Variants in TUT1 observed in about 807,000 individuals in gnomAD.
TUT1 encodes terminal uridylyl transferase 1, U6 snRNA-specific, also known as speckle targeted PIP5K1A-regulated poly(A) polymerase.
Under a neutral mutation model 48.8 loss-of-function variants are expected in TUT1, and 26 were observed. The observed-to-expected ratio is 0.53, with a 90% CI of 0.39 to 0.74. The LOEUF is 0.74. Among genes scored for constraint, TUT1 ranks in the 30% least tolerant of loss-of-function variants. The pLI is 0.00. For missense variants in TUT1, 1,065 were observed against 1,114.8 expected (o/e 0.96, Z 0.64); for synonymous variants, 470 against 460.8 (o/e 1.02, Z -0.26).
At chr11:62,580,709 T>C (rs1358402692) in intron 4 of TUT1, among the ~76,000 whole-genome samples, 1 of 150,220 alleles carries the variant, frequency 6.7e-6, no homozygotes, top group Non-Finnish European at 1.5e-5. Context: ...TTCAAGTGAT[T>C]CTCCTGCCTC....
In TUT1 at chr11:62,575,929, G is replaced by C; in HGVS notation, c.1790C>G (p.Pro597Arg). 1 of 1,614,188 alleles carries C rather than the reference G, an allele frequency of 6.2e-7. No individual in the cohort carries two copies. The highest frequency in any genetic ancestry group is 8.5e-7 in the Non-Finnish European group (1 of 1,180,018). The change falls in exon 9 of 9, where the codon CCC (proline) becomes CGC (arginine). Residue 597 changes from proline to arginine, a missense_variant. Transcript: ENST00000476907. ...AGAGAGCAGGGAGCTGGGGGAGCTG[G>C]GCTGCAGAAGAGGGAGCAGCCCCCA... ...RDWGLLPLLQPSSPSSLLSAT... is the reference protein window; with the variant it reads ...RDWGLLPLLQRSSPSSLLSAT...
In TUT1 at chr11:62,589,202, G is replaced by C; in HGVS notation, c.102C>G (p.His34Gln). The C allele has an allele frequency of 2.5e-6, 4 of 1,614,170 alleles. No individual in the cohort carries two copies. The highest frequency in any genetic ancestry group is 3.4e-6 in the Non-Finnish European group (4 of 1,180,028). Residue 34 changes from histidine (H) to glutamine (Q), a missense_variant, in exon 2 of 9, where the codon CAC becomes CAG. Physicochemically the swap from His to Gln is conservative, Grantham distance 24. Coordinates refer to ENST00000476907, the MANE Select transcript of TUT1 (RefSeq NM_022830.3). ...GGTGCCGGTGCTTTCTGCCTCCCAA[G>C]TGGGCATCAAGGCTGGGTCCTGCAA... ...TTANRPSLDAHLGGRKHRHLV... is the reference protein window; with the variant it reads ...TTANRPSLDAQLGGRKHRHLV...
chr11:62,589,676 A>C (rs1025958946), intron 1 of TUT1, among the ~76,000 whole-genome samples: 1 of 152,276 alleles, frequency 6.6e-6, no homozygotes, highest in Non-Finnish European at 1.5e-5. Flanking sequence ...AGTATTTCTT[A>C]AACCACCTAT....
In TUT1 at chr11:62,576,742, C is replaced by T; in HGVS notation, c.1389G>A (p.Gly463=). The change falls in exon 8 of 9, where the codon GGG becomes GGA. Residue 463 remains glycine, a synonymous_variant. Coordinates refer to ENST00000476907, the MANE Select transcript of TUT1 (RefSeq NM_022830.3). ...CCCAGCCATCGACTTCCACCTGTTCCCCCTCTCCTGTGAAAGTAAATAAGG... is the reference window on the plus strand; with the variant it reads ...CCCAGCCATCGACTTCCACCTGTTCTCCCTCTCCTGTGAAAGTAAATAAGG... The part of the protein sequence containing the change: ...VSQLTQKAGE[G]EQVEVDGWDC... 1.2e-6 allele frequency: 2 copies of T among 1,614,158 alleles called. No homozygotes were observed. The highest frequency in any genetic ancestry group is 1.7e-6 in the Non-Finnish European group (2 of 1,180,026).
Position 62,589,218 on chromosome 11 carries a change from G to C in TUT1, c.86C>G (p.Pro29Arg), listed in dbSNP as rs1396487117. 1.9e-6 allele frequency: 3 copies of C among 1,613,892 alleles called. No homozygotes were observed. In the South Asian group the frequency reaches 3.3e-5, roughly 18 times the overall value. The change falls in exon 2 of 9, where the codon CCC becomes CGC. Residue 29 changes from proline to arginine, a missense_variant. Coordinates refer to ENST00000476907, the MANE Select transcript of TUT1 (RefSeq NM_022830.3). ...CLCHVTTANRPSLDAHLGGRK... is the reference protein window; with the variant it reads ...CLCHVTTANRRSLDAHLGGRK... ...GCCTCCCAAGTGGGCATCAAGGCTG[G>C]GTCCTGCAAAGACAAGTGTGAGACA...
At chr11:62,581,246 G>A in intron 3 of TUT1, 40 bp from the exon 4 acceptor site, 7 of 1,598,942 alleles carry the variant, frequency 4.4e-6, no homozygotes, top group Non-Finnish European at 5.1e-6. Context: ...GAGAAGTTAG[G>A]GAGGAGCAGG....
At chr11:62,589,402 T>C (rs1259352435) in intron 1 of TUT1, among the ~76,000 whole-genome samples, 181 bp from the exon 2 acceptor site, 5 of 151,276 alleles carry the variant, frequency 3.3e-5, no homozygotes, top group Non-Finnish European at 5.9e-5. Context: ...AGTACATTCT[T>C]TTTTTTTTAA....
intron 5 of TUT1, 154 bp from the exon 6 acceptor site, chr11:62,577,445 C>T (rs1941748045): frequency 1.6e-6 from 1 of 643,294 alleles, no homozygotes; most frequent in Admixed American, 3.0e-5. Context: ...AGACAGTGTG[C>T]GAAAGGACAA....
In TUT1 at chr11:62,591,389, C is replaced by T; in HGVS notation, c.82+15G>A. 6.4e-7 allele frequency: 1 copy of T among 1,552,372 alleles called. No homozygotes were observed. The highest frequency in any genetic ancestry group is 8.7e-7 in the Non-Finnish European group (1 of 1,149,276). On this transcript the variant is annotated intron_variant, in intron 1 of 8. Coordinates refer to ENST00000476907, the MANE Select transcript of TUT1 (RefSeq NM_022830.3). The stretch of plus-strand genomic sequence containing the variant: ...CCCGCAACCACCCCCGGGTCCCTCA[C>T]TAGCCACCGCTTACGGTTGGCTGTA...
chr11:62,583,607 A>C (rs1045445634), intron 2 of TUT1, among the ~76,000 whole-genome samples: 1 of 152,142 alleles, frequency 6.6e-6, no homozygotes, highest in Non-Finnish European at 1.5e-5. Flanking sequence ...TCTCCGTCTC[A>C]AAAAGAAAAA....
At chr11:62,586,930 C>T (rs1237887590) in intron 2 of TUT1, among the ~76,000 whole-genome samples, 1 of 149,478 alleles carries the variant, frequency 6.7e-6, no homozygotes, top group Non-Finnish European at 1.5e-5. Context: ...GTCTCGAACT[C>T]CTGACCTTAG....
chr11:62,591,316 G>T, intron 1 of TUT1, 88 bp downstream of exon 1: 1 of 1,441,062 alleles, frequency 6.9e-7, no homozygotes, highest in Non-Finnish European at 9.1e-7. Flanking sequence ...TGACAAGAAC[G>T]ACTGACTACC....
Position 62,576,703 on chromosome 11 carries a change from G to A in TUT1, c.1428C>T (p.Pro476=), listed in dbSNP as rs771421514. Residue 476 remains proline (P), a synonymous_variant, in exon 8 of 9, where the codon CCC becomes CCT. Coordinates refer to ENST00000476907, the MANE Select transcript of TUT1 (RefSeq NM_022830.3). The part of the protein sequence containing the change: ...VEVDGWDCSF[P]RDASRLEPSI... ...TGGGCTCCAGTCTTGAGGCATCCCT[G>A]GGGAAACTGCAGTCCCAGCCATCGA... is the stretch of plus-strand genomic sequence containing the variant. 5.0e-6 allele frequency: 8 copies of A among 1,614,016 alleles called. No individual in the cohort carries two copies. Among genetic ancestry groups the A allele is most frequent in the Non-Finnish European group, 6.8e-6 (8 of 1,180,040 alleles).
intron 8 of TUT1, 112 bp from the exon 9 acceptor site, chr11:62,576,356 A>C: frequency 5.3e-6 from 7 of 1,316,236 alleles, no homozygotes; most frequent in Non-Finnish European, 6.1e-6. Flanking sequence ...CAAGGGGCTC[A>C]GCAGAGTCCC....
chr11:62,579,982 A>AAAT (rs1456929200), intron 4 of TUT1, among the ~76,000 whole-genome samples: 1 of 151,678 alleles, frequency 6.6e-6, no homozygotes, highest in East Asian at 1.9e-4. Flanking sequence ...TATTTTTTGA[A>AAAT]AATAATAATA....
chr11:62,581,736 G>A (rs911598049), intron 2 of TUT1, 35 bp from the exon 3 acceptor site: 9 of 1,340,210 alleles, frequency 6.7e-6, no homozygotes, highest in Non-Finnish European at 8.7e-6. Flanking sequence ...GATGATTTTG[G>A]AACCAAGAAT....
At position 62,576,523 on chromosome 11, in the gene TUT1, A is replaced by C; in HGVS notation, c.1474+134T>G. 8 of 866,854 alleles carry C rather than the reference A, an allele frequency of 9.2e-6. No individual in the cohort carries two copies. In the South Asian group the frequency reaches 1.3e-4, roughly 15 times the overall value. 53.7% of individuals were successfully genotyped at this position (866,854 alleles called of 1,614,324 possible). A position where few individuals can be genotyped will look rare whatever the true frequency, so the allele number is the denominator to read the frequency against. On this transcript the variant is annotated intron_variant, in intron 8 of 8. Coordinates refer to ENST00000476907, the MANE Select transcript of TUT1 (RefSeq NM_022830.3). Reference sequence around the variant, plus strand: ...CCCAAACATGGTTTCTTCATCTGTAAAATGGCAGTAATAATATTAGGTATC... The same window carrying C: ...CCCAAACATGGTTTCTTCATCTGTACAATGGCAGTAATAATATTAGGTATC...
intron 1 of TUT1, among the ~76,000 whole-genome samples, chr11:62,590,095 C>G (rs574870592): frequency 3.3e-5 from 5 of 152,338 alleles, no homozygotes; most frequent in Admixed American, 1.3e-4. Flanking sequence ...AAAGAAGACT[C>G]CTAGGTTTCT....
At position 62,581,397 on chromosome 11, in the gene TUT1, T is replaced by A. The variant is rs139464631; in HGVS notation, c.578A>T (p.Glu193Val). The A allele has an allele frequency of 6.2e-7, 1 of 1,602,518 alleles. No homozygotes were observed. The highest frequency in any genetic ancestry group is 8.5e-7 in the Non-Finnish European group (1 of 1,174,944). Residue 193 changes from glutamate to valine, a missense_variant, in exon 3 of 9, where the codon GAG becomes GTG. Transcript: ENST00000476907. ...GGGAGGTAACTTACCAGGGAAGAACTCTGTGAAGACCTCCTGCATCAGGGC... is the reference window on the plus strand; with the variant it reads ...GGGAGGTAACTTACCAGGGAAGAACACTGTGAAGACCTCCTGCATCAGGGC... ...VVALMQEVFT[E>V]FFPGCVVHPF...
Sources: allele counts gnomAD v4.1 joint callset (sites outside exome capture counted in the v4.1 genomes callset), GRCh38; gene constraint gnomAD v4.1.1; transcripts MANE v1.5; gene names NCBI Gene and HGNC (gene_info 2026-07-23, HGNC 2026-07-21).